Variants in DTX1 observed in about 807,000 individuals in gnomAD.
The protein encoded by DTX1 is deltex E3 ubiquitin ligase 1.
DTX1 carries 26 observed loss-of-function variants against 57.8 expected under a neutral mutation model. That is an observed-to-expected ratio of 0.45 (90% CI 0.33 to 0.62). The LOEUF (loss-of-function observed/expected upper bound fraction) is 0.62, where lower values mean the gene tolerates loss of function less well. Among genes scored for constraint, DTX1 ranks in the 20% least tolerant of loss-of-function variants. DTX1 has a pLI of 0.02. For synonymous variants in DTX1, 398 were observed against 394.1 expected, an observed-to-expected ratio of 1.01 and a Z score of -0.12; for missense variants, 704 against 895.3, an observed-to-expected ratio of 0.79 and a Z score of 2.73.
rs775966876 is a variant in DTX1 at position 113,095,097 on chromosome 12, C to T, written c.1442C>T (p.Thr481Met). Residue 481 changes from threonine to methionine, a missense_variant, in exon 8 of 10, where the codon ACG becomes ATG. Thr to Met is a moderately conservative substitution (Grantham distance 81, BLOSUM62 -1). Transcript: ENST00000548759. Reference sequence around the variant, plus strand: ...GCCATCTACGGGGAGAAGACGGGTACGCAGCCGCCTGGGAAGATGGAGTTC... The same window carrying T: ...GCCATCTACGGGGAGAAGACGGGTATGCAGCCGCCTGGGAAGATGGAGTTC... ...CKAIYGEKTG[T>M]QPPGKMEFHL... The T allele has an allele frequency of 7.4e-6, 12 of 1,613,672 alleles. No homozygotes were observed. Among genetic ancestry groups the T allele is most frequent in the African/African-American group, 2.7e-5 (2 of 74,892 alleles).
rs535441514 is a variant in DTX1 at position 113,058,791 on chromosome 12, G to A, written c.259+340G>A. Among the ~76,000 whole-genome samples the A allele has an allele frequency of 2.8e-4, 42 of 152,334 alleles. No homozygotes were observed. The South Asian group carries it at 5.2e-3, about 19-fold the overall frequency. On this transcript the variant is annotated intron_variant, in intron 2 of 9. Transcript: ENST00000548759. ...AGAACCTAGAACAGCAGTAGCATGG[G>A]ATTGTAGAATAAGGGCTTTACATGC...
At chr12:113,078,829 A>G (rs950090168) in intron 3 of DTX1, among the ~76,000 whole-genome samples, 8 of 152,066 alleles carry the variant, frequency 5.3e-5, no homozygotes, top group Admixed American at 3.3e-4. Context: ...CTGAAATACC[A>G]CAATTACTCT....
At chr12:113,058,597 A>C in intron 2 of DTX1, 146 bp downstream of exon 2, 1 of 1,385,514 alleles carries the variant, frequency 7.2e-7, no homozygotes, top group Admixed American at 2.6e-5. Context: ...GGGCAGTCTA[A>C]CCTTGTCCAG....
rs1475623744 is a variant in DTX1 at position 113,058,378 on chromosome 12, G to C, written c.186G>C (p.Leu62=). The part of the protein sequence containing the change: ...LKEDARGSVV[L]GQVDAQLVPY... ...AGGACGCTCGCGGTTCCGTGGTCCT[G>C]GGGCAGGTGGACGCCCAGCTTGTGC... The change falls in exon 2 of 10, where the codon CTG becomes CTC. Residue 62 remains leucine, a synonymous_variant. Coordinates refer to ENST00000548759, the MANE Select transcript of DTX1 (RefSeq NM_004416.3). The C allele has an allele frequency of 6.2e-7, 1 of 1,610,658 alleles. No homozygotes were observed. The highest frequency in any genetic ancestry group is 1.7e-5 in the Admixed American group (1 of 60,024).
In DTX1 at chr12:113,087,711, T is replaced by C. The variant is rs115473530; in HGVS notation, c.942-5451T>C. ...TGAGTCCTGAGGCTCCTGGGGCTCT[T>C]TGGGGTCTGCTGGGTAAGTGTGAGG... On this transcript the variant is annotated intron_variant, in intron 3 of 9. Coordinates refer to ENST00000548759, the MANE Select transcript of DTX1 (RefSeq NM_004416.3). 2.5e-3 allele frequency among the ~76,000 whole-genome samples: 377 copies of C among 152,080 alleles called. 2 individuals carry two copies. The highest frequency in any genetic ancestry group is 8.6e-3 in the African/African-American group (357 of 41,500).
chr12:113,091,389 G>A (rs575041623), intron 3 of DTX1, among the ~76,000 whole-genome samples: 22 of 132,504 alleles, frequency 1.7e-4, no homozygotes, highest in South Asian at 9.1e-4. Flanking sequence ...TAGTGTGTGC[G>A]GTATGTTCCC....
At chr12:113,071,211 G>A (rs2044735762) in intron 2 of DTX1, among the ~76,000 whole-genome samples, 1 of 152,282 alleles carries the variant, frequency 6.6e-6, no homozygotes, top group African/African-American at 2.4e-5. Context: ...CCCTGTCTCT[G>A]CCCCAGGCAT....
rs988328548 is a variant in DTX1, at chr12:113,093,348, A to C, written c.1003+125A>C. On this transcript the variant is annotated intron_variant, in intron 4 of 9. Transcript: ENST00000548759. The surrounding 1 kb of genome is among the most constrained non-coding windows in gnomAD (Gnocchi z 4.2). ...TGGCCCGGAGGAAACGCCCCCTTCC[A>C]CTGGGCCCAGGACACAGGGCGGGCG... 13 of 1,360,634 alleles carry C rather than the reference A, an allele frequency of 9.6e-6. No individual in the cohort carries two copies. In the East Asian group the frequency reaches 3.3e-4, roughly 34 times the overall value. The allele number at this position is 1,360,634 out of a possible 1,614,324, so 84.3% of individuals were successfully genotyped here. A position where few individuals can be genotyped will look rare whatever the true frequency, so the allele number is the denominator to read the frequency against.
intron 2 of DTX1, 135 bp downstream of exon 2, chr12:113,058,586 AG>A: frequency 1.4e-6 from 2 of 1,428,982 alleles, no homozygotes; most frequent in Non-Finnish European, 9.3e-7. Context: ...CCAGAAAAAC[AG>A]GGCAGTCTAA....
intron 3 of DTX1, among the ~76,000 whole-genome samples, chr12:113,091,533 G>A (rs1048492133): frequency 6.6e-6 from 1 of 152,062 alleles, no homozygotes; most frequent in Admixed American, 6.5e-5. Flanking sequence ...GTGTCCCGGG[G>A]AGTATGATAA....
chr12:113,074,968 C>T (rs1318343157), intron 2 of DTX1, among the ~76,000 whole-genome samples: 5 of 152,148 alleles, frequency 3.3e-5, no homozygotes, highest in African/African-American at 1.2e-4. Context: ...GAGAGCAGAG[C>T]TGAGTTCAAG....
chr12:113,096,688 G>T (rs566196145), intron 9 of DTX1, 27 bp from the exon 10 acceptor site: 17 of 1,589,188 alleles, frequency 1.1e-5, no homozygotes, highest in Non-Finnish European at 1.4e-5. Flanking sequence ...ACCTCCTCCC[G>T]GCCCCACTGT....
rs779115803 is a variant in DTX1 at position 113,077,832 on chromosome 12, G to A, written c.668G>A (p.Arg223His). ...AASNAILASQ[R>H]RKAPPAPPLP... ...TCCAACGCCATCCTGGCCTCGCAGC[G>A]CCGCAAGGCGCCCCCCGCGCCCCCG... The change falls in exon 3 of 10, where the codon CGC (arginine) becomes CAC (histidine). Residue 223 changes from arginine (R) to histidine (H), a missense_variant. Coordinates refer to ENST00000548759, the MANE Select transcript of DTX1 (RefSeq NM_004416.3). The surrounding 1 kb of genome is among the most constrained non-coding windows in gnomAD (Gnocchi z 7.8). The A allele has an allele frequency of 2.2e-6, 3 of 1,376,512 alleles. No homozygotes were observed. Among genetic ancestry groups the A allele is most frequent in the Non-Finnish European group, 2.8e-6 (3 of 1,073,704 alleles). The allele number at this position is 1,376,512 out of a possible 1,614,324, so 85.3% of individuals were successfully genotyped here. A position where few individuals can be genotyped will look rare whatever the true frequency, so the allele number is the denominator to read the frequency against.
At chr12:113,062,013 T>C (rs1350189160) in intron 2 of DTX1, among the ~76,000 whole-genome samples, 3 of 149,202 alleles carry the variant, frequency 2.0e-5, no homozygotes, top group Non-Finnish European at 3.0e-5. Flanking sequence ...GCTGTGAATC[T>C]TGAAAATATT....
chr12:113,076,681 A>T (rs2044774288), intron 2 of DTX1, among the ~76,000 whole-genome samples: 1 of 152,228 alleles, frequency 6.6e-6, no homozygotes. Flanking sequence ...CAATGAATGA[A>T]TGAATCATTG....
chr12:113,090,253 A>T (rs1022785630), intron 3 of DTX1, among the ~76,000 whole-genome samples: 1 of 152,184 alleles, frequency 6.6e-6, no homozygotes, highest in African/African-American at 2.4e-5. Flanking sequence ...AAAGAGGAAA[A>T]GCTTGAGGGA....
chr12:113,070,678 G>A (rs1354146242), intron 2 of DTX1, among the ~76,000 whole-genome samples: 2 of 152,202 alleles, frequency 1.3e-5, no homozygotes, highest in African/African-American at 4.8e-5. Flanking sequence ...AACCTCACAC[G>A]GCTAAACAAC....
At chr12:113,081,206 G>A (rs1014816662) in intron 3 of DTX1, among the ~76,000 whole-genome samples, 2 of 152,110 alleles carry the variant, frequency 1.3e-5, no homozygotes, top group Non-Finnish European at 2.9e-5. Context: ...AGCTGAGCAT[G>A]GTGGTACACA....
rs1434322197 is a variant in DTX1, at chr12:113,058,347, T to G, written c.155T>G (p.Leu52Arg). The change falls in exon 2 of 10, where the codon CTG becomes CGG. Residue 52 changes from leucine to arginine, a missense_variant. Around this residue, in one of 3 missense-constraint regions of DTX1, gnomAD observed 237 missense variants for 328.6 expected, o/e 0.72. Coordinates refer to ENST00000548759, the MANE Select transcript of DTX1 (RefSeq NM_004416.3). ...ATVCHHIENV[L>R]KEDARGSVVL... is the part of the protein sequence containing the mutation. ...GTGTGCCACCACATTGAGAACGTGC[T>G]GAAGGAGGACGCTCGCGGTTCCGTG... The G allele has an allele frequency of 6.2e-7, 1 of 1,613,354 alleles. No individual in the cohort carries two copies. The highest frequency in any genetic ancestry group is 8.5e-7 in the Non-Finnish European group (1 of 1,180,044).
Sources: gnomAD v4.1 joint callset for allele counts (sites outside exome capture counted in the v4.1 genomes callset) on GRCh38, gnomAD v4.1.1 for gene constraint, gnomAD v4.1.1 regional missense constraint, Gnocchi (gnomAD v3.1) non-coding constraint, MANE v1.5 for transcripts, NCBI Gene and HGNC (gene_info 2026-07-23, HGNC 2026-07-21) for gene names.